Variants in GPATCH2L observed in about 807,000 individuals in gnomAD.
GPATCH2L encodes the protein G-patch domain containing 2 like, also known as G patch domain-containing protein 2-like.
GPATCH2L carries 31 observed loss-of-function variants against 57.4 expected under a neutral mutation model. The ratio of observed to expected loss-of-function variants is 0.54; its 90% CI spans 0.41 to 0.73. GPATCH2L has a LOEUF of 0.73. GPATCH2L is among the 30% of genes least tolerant of loss of function. The pLI is 0.00. For missense variants in GPATCH2L, 481 were observed against 599.9 expected (o/e 0.80, Z 2.07); for synonymous variants, 199 against 210.7 (o/e 0.94, Z 0.48).
Position 76,195,925 on chromosome 14 carries a change from G to C in GPATCH2L, c.1241G>C (p.Arg414Thr). 6.2e-7 allele frequency: 1 copy of C among 1,613,888 alleles called. No individual in the cohort carries two copies. Among genetic ancestry groups the C allele is most frequent in the African/African-American group, 1.3e-5 (1 of 75,042 alleles). ...CCACCATGTTCACGTGACATCAAGA[G>C]GAAGCGGAAACCAGTGGCCACAGCA... is the stretch of plus-strand genomic sequence containing the variant. ...WGPPCSRDIK[R>T]KRKPVATASL... Residue 414 changes from arginine to threonine, a missense_variant, in exon 9 of 10, where the codon AGG becomes ACG. Physicochemically the swap from Arg to Thr is moderately conservative, Grantham distance 71. Transcript: ENST00000261530.
chr14:76,189,338 A>G (rs1459502728), intron 8 of GPATCH2L, among the ~76,000 whole-genome samples: 2 of 151,470 alleles, frequency 1.3e-5, no homozygotes, highest in East Asian at 1.9e-4. Context: ...ATCCATGAAC[A>G]TGGAATATCT....
At chr14:76,169,151 G>T (rs1237958096) in intron 3 of GPATCH2L, among the ~76,000 whole-genome samples, 1 of 151,968 alleles carries the variant, frequency 6.6e-6, no homozygotes, top group Non-Finnish European at 1.5e-5. Flanking sequence ...ATTTAAATGT[G>T]CCATGTGTTT....
intron 9 of GPATCH2L, 136 bp from the exon 10 acceptor site, chr14:76,201,555 G>C (rs966118285): frequency 4.2e-6 from 2 of 480,900 alleles, no homozygotes; most frequent in South Asian, 1.1e-4. Context: ...GATACCTTAC[G>C]TGGCCACTTG....
chr14:76,205,402 A>T lies in GPATCH2L; in HGVS notation c.*3551A>T, dbSNP rs763174380. ...GGAAAATAGGCCACATTTAGCCTTG[A>T]ATTGTTTAGAAATCAAATGCGATTC... On this transcript the variant is annotated 3_prime_UTR_variant, in exon 10 of 10. Transcript: ENST00000261530. 2.6e-4 allele frequency: 40 copies of T among 152,222 alleles called. No individual in the cohort carries two copies. The highest frequency in any genetic ancestry group is 4.4e-5 in the Non-Finnish European group (3 of 68,046). 9.4% of individuals were successfully genotyped at this position (152,222 alleles called of 1,614,324 possible).
rs2040353820 is a variant in GPATCH2L, at chr14:76,204,552, G to A, written c.*2701G>A. On this transcript the variant is annotated 3_prime_UTR_variant, in exon 10 of 10. Transcript: ENST00000261530. ...TTTGAATCTTAAAGTTTCTTTATAT[G>A]CGGCACAGTGTATAATGTCGTAAGT... 1 of 152,134 alleles carries A rather than the reference G, an allele frequency of 6.6e-6. No individual in the cohort carries two copies. Among genetic ancestry groups the A allele is most frequent in the South Asian group, 2.1e-4 (1 of 4,828 alleles). The allele number at this position is 152,134 out of a possible 1,614,324, so 9.4% of individuals were successfully genotyped here. A position where few individuals can be genotyped will look rare whatever the true frequency, so the allele number is the denominator to read the frequency against.
chr14:76,225,873 A>G (rs528747879), intron 1 of GPATCH2L, among the ~76,000 whole-genome samples: 55 of 152,218 alleles, frequency 3.6e-4, no homozygotes, highest in Non-Finnish European at 7.5e-4. Context: ...CTTAAACATC[A>G]TTAGTCATCC....
rs34957782 is a variant in GPATCH2L at position 76,202,536 on chromosome 14, T to TACACACAC, written c.*705_*712dup. ...GTTCTACTGAAAGAGGACGTGTGTA[T>TACACACAC]ACACACACACACACACACACACACA... On this transcript the variant is annotated 3_prime_UTR_variant, in exon 10 of 10. Transcript: ENST00000261530. 0.052 allele frequency: 6,975 copies of TACACACAC among 134,072 alleles called. 194 individuals are homozygous for TACACACAC. The highest frequency in any genetic ancestry group is 0.072 in the African/African-American group (2,906 of 40,564). 8.3% of individuals were successfully genotyped at this position (134,072 alleles called of 1,614,324 possible). A position where few individuals can be genotyped will look rare whatever the true frequency, so the allele number is the denominator to read the frequency against.
chr14:76,193,079 A>T (rs1230506814), intron 8 of GPATCH2L, among the ~76,000 whole-genome samples: 1 of 152,192 alleles, frequency 6.6e-6, no homozygotes, highest in Non-Finnish European at 1.5e-5. Context: ...AACCCACAAT[A>T]GCACCCTAAG....
chr14:76,160,680 G>A (rs2139582282), intron 2 of GPATCH2L, among the ~76,000 whole-genome samples: 1 of 152,212 alleles, frequency 6.6e-6, no homozygotes, highest in South Asian at 2.1e-4. Flanking sequence ...TCAAGACTAA[G>A]GAAAGAAAAA....
intron 8 of GPATCH2L, among the ~76,000 whole-genome samples, chr14:76,190,552 A>G (rs763123282): frequency 2.6e-5 from 4 of 152,166 alleles, no homozygotes; most frequent in Non-Finnish European, 4.4e-5. Flanking sequence ...GGCCCTGATC[A>G]GATGAAACAG....
intron 8 of GPATCH2L, among the ~76,000 whole-genome samples, 169 bp from the exon 9 acceptor site, chr14:76,195,709 G>A (rs2040125954): frequency 6.6e-6 from 1 of 152,200 alleles, no homozygotes. Flanking sequence ...TGGATAAAGA[G>A]TGAGTTATTA....
chr14:76,180,106 G>A (rs974678281), intron 7 of GPATCH2L: 1 of 152,116 alleles, frequency 6.6e-6, no homozygotes, highest in South Asian at 2.1e-4. Flanking sequence ...TGAGGCAGGA[G>A]AATTTTTTGA....
rs945844188 is a variant in GPATCH2L at position 76,210,915 on chromosome 14, T to C, written c.*9064T>C. 2 of 152,192 alleles carry C rather than the reference T, an allele frequency of 1.3e-5. No homozygotes were observed. The highest frequency in any genetic ancestry group is 4.8e-5 in the African/African-American group (2 of 41,456). The allele number at this position is 152,192 out of a possible 1,614,324, so 9.4% of individuals were successfully genotyped here. On this transcript the variant is annotated 3_prime_UTR_variant, in exon 10 of 10. Coordinates refer to ENST00000261530, the MANE Select transcript of GPATCH2L (RefSeq NM_017926.4). ...GCTGGGTATACAGAGAAGAAAGGCA[T>C]TCCTGCTCTCATGATGTTCATGGTC...
intron 2 of GPATCH2L, among the ~76,000 whole-genome samples, chr14:76,165,490 CAA>C (rs34800017): frequency 3.1e-4 from 27 of 87,616 alleles, no homozygotes; most frequent in Admixed American, 5.2e-4. Flanking sequence ...AACTCCATCT[CAA>C]AAAAAAAAAA....
intron 2 of GPATCH2L, among the ~76,000 whole-genome samples, chr14:76,156,514 G>A (rs1038645078): frequency 3.9e-5 from 6 of 152,130 alleles, no homozygotes; most frequent in Non-Finnish European, 8.8e-5. Flanking sequence ...GAATTTATAT[G>A]TATATATTTG....
rs1054752141 is a variant in GPATCH2L, at chr14:76,154,298, T to G, written c.-10-56T>G. On this transcript the variant is annotated intron_variant, in intron 1 of 9. Transcript: ENST00000261530. This position sits in a 1 kb window ranked among gnomAD's most constrained non-coding sequence, Gnocchi z 4.4. The stretch of plus-strand genomic sequence containing the variant: ...CAAAACAACAGATCCTTTTTCAGGC[T>G]TTCTTTTTCTTTTTCTTTTCTTTCT... The G allele has an allele frequency of 6.2e-5, 86 of 1,392,062 alleles. No individual in the cohort carries two copies. Among genetic ancestry groups the G allele is most frequent in the Non-Finnish European group, 7.7e-5 (79 of 1,021,342 alleles). The allele number at this position is 1,392,062 out of a possible 1,614,324, so 86.2% of individuals were successfully genotyped here. A position where few individuals can be genotyped will look rare whatever the true frequency, so the allele number is the denominator to read the frequency against.
intron 8 of GPATCH2L, 65 bp from the exon 9 acceptor site, chr14:76,195,813 A>T: frequency 2.5e-6 from 3 of 1,182,142 alleles, no homozygotes; most frequent in Non-Finnish European, 3.8e-6. Flanking sequence ...AATCTGGGCT[A>T]CATGTAATGT....
Position 76,205,184 on chromosome 14 carries a change from G to A in GPATCH2L, c.*3333G>A. 1 of 152,294 alleles carries A rather than the reference G, an allele frequency of 6.6e-6. No individual in the cohort carries two copies. The highest frequency in any genetic ancestry group is 1.5e-5 in the Non-Finnish European group (1 of 68,146). 9.4% of individuals were successfully genotyped at this position (152,294 alleles called of 1,614,324 possible). ...GGGGTCTTGCTCTGTTGCCTATGCT[G>A]GTCTTGAACTCCTAACCTCAAGCAA... On this transcript the variant is annotated 3_prime_UTR_variant, in exon 10 of 10. Coordinates refer to ENST00000261530, the MANE Select transcript of GPATCH2L (RefSeq NM_017926.4).
Position 76,208,098 on chromosome 14 carries a change from G to A in GPATCH2L, c.*6247G>A, listed in dbSNP as rs2040399255. 6.6e-6 allele frequency: 1 copy of A among 152,110 alleles called. No homozygotes were observed. Among genetic ancestry groups the A allele is most frequent in the African/African-American group, 2.4e-5 (1 of 41,422 alleles). The allele number at this position is 152,110 out of a possible 1,614,324, so 9.4% of individuals were successfully genotyped here. On this transcript the variant is annotated 3_prime_UTR_variant, in exon 10 of 10. Transcript: ENST00000261530. ...GTTAAAACTACCTCTGGCCAAAAAT[G>A]TTAGTGTTACTAGATATTATCAAGG... is the stretch of plus-strand genomic sequence containing the variant.
Sources: allele counts gnomAD v4.1 joint callset (sites outside exome capture counted in the v4.1 genomes callset), GRCh38; gene constraint gnomAD v4.1.1; non-coding constraint Gnocchi (gnomAD v3.1); transcripts MANE v1.5; gene names NCBI Gene and HGNC (gene_info 2026-07-23, HGNC 2026-07-21).